DENND2B: variants seen among roughly 807,000 people sequenced by gnomAD.
The protein encoded by DENND2B is DENN domain containing 2B, also known as DENN domain-containing protein 2B.
In DENND2B, 32 loss-of-function variants were observed where a neutral mutation model predicts 116.0. The ratio of observed to expected loss-of-function variants is 0.28; its 90% CI spans 0.21 to 0.37. DENND2B has a LOEUF of 0.37. Among genes scored for constraint, DENND2B ranks in the 10% least tolerant of loss-of-function variants. The probability of loss-of-function intolerance (pLI) is 1.00; values close to 1 mark genes in which losing one functional copy is unlikely to be tolerated. For synonymous variants in DENND2B, 588 were observed against 583.9 expected, an observed-to-expected ratio of 1.01 and a Z score of -0.10; for missense variants, 1,276 against 1,477.7, an observed-to-expected ratio of 0.86 and a Z score of 2.24.
intron 1 of DENND2B, among the ~76,000 whole-genome samples, chr11:8,883,669 T>C (rs2063927160): frequency 6.6e-6 from 1 of 152,198 alleles, no homozygotes; most frequent in Admixed American, 6.5e-5. Context: ...AATAATTGCT[T>C]ACAGACCAGC....
chr11:8,811,574 T>C (rs946417149), upstream of DENND2B: 1 of 369,474 alleles, frequency 2.7e-6, no homozygotes, highest in Non-Finnish European at 4.8e-6. Flanking sequence ...TTTAGTCCCA[T>C]CCCCATCCCC....
intron 1 of DENND2B, chr11:8,774,372 T>C (rs779185559): frequency 1.0e-6 from 1 of 964,786 alleles, no homozygotes; most frequent in South Asian, 4.8e-5. Flanking sequence ...GACAGAAACA[T>C]GTTCTCCTTC....
At chr11:8,867,285 G>A (rs1219710609) in intron 2 of DENND2B, among the ~76,000 whole-genome samples, 1 of 152,158 alleles carries the variant, frequency 6.6e-6, no homozygotes, top group Non-Finnish European at 1.5e-5. Flanking sequence ...AAAGGGCCTG[G>A]CTATAAATGT....
At chr11:8,823,106 T>TA (rs35762459) in intron 4 of DENND2B, among the ~76,000 whole-genome samples, 69,968 of 151,776 alleles carry the variant, frequency 0.46, 16,351 homozygotes, top group Middle Eastern at 0.62. Flanking sequence ...ATTGGGGACT[T>TA]AAAAAGTAAT....
At chr11:8,900,536 C>A (rs1232753929) in intron 1 of DENND2B, among the ~76,000 whole-genome samples, 12 of 149,794 alleles carry the variant, frequency 8.0e-5, no homozygotes, top group Middle Eastern at 3.4e-3. Context: ...GAGGTGGAGG[C>A]AACAGTGAGC....
At chr11:8,704,992 C>T (rs1592431831) in intron 13 of DENND2B, among the ~76,000 whole-genome samples, 1 of 152,244 alleles carries the variant, frequency 6.6e-6, no homozygotes, top group South Asian at 2.1e-4. Flanking sequence ...ACATGAGCCA[C>T]GGTGCCCGGT....
At chr11:8,897,746 T>C (rs76091314) in intron 1 of DENND2B, among the ~76,000 whole-genome samples, 2,508 of 152,254 alleles carry the variant, frequency 0.016, 31 homozygotes, top group Middle Eastern at 0.031. Context: ...CTTGCATACA[T>C]AGAAATAAAA....
chr11:8,791,871 T>C lies in DENND2B; in HGVS notation c.-26+18646A>G, dbSNP rs182038885. Among the ~76,000 whole-genome samples, 951 of 152,274 alleles carry C rather than the reference T, an allele frequency of 6.2e-3. 13 individuals are homozygous for C. Among genetic ancestry groups the C allele is most frequent in the Middle Eastern group, 0.037 (11 of 294 alleles). Reference sequence around the variant, plus strand: ...CACAAATTTTTAGTAAAGAAAAAATTTAATAGAAAAAAAGGTTATCTTAGG... The same window carrying C: ...CACAAATTTTTAGTAAAGAAAAAATCTAATAGAAAAAAAGGTTATCTTAGG... On this transcript the variant is annotated intron_variant, in intron 1 of 19. Coordinates refer to ENST00000313726, the MANE Select transcript of DENND2B (RefSeq NM_213618.2).
In DENND2B at chr11:8,694,006, A is replaced by G. The variant is rs2039863696; in HGVS notation, c.*90T>C. ...AGGATAGGATCTGTGGGGGCAGAGGAGCCACAGCAGCCCAGAGGGTCCCAG... is the reference window on the plus strand; with the variant it reads ...AGGATAGGATCTGTGGGGGCAGAGGGGCCACAGCAGCCCAGAGGGTCCCAG... On this transcript the variant is annotated 3_prime_UTR_variant, in exon 20 of 20. Coordinates refer to ENST00000313726, the MANE Select transcript of DENND2B (RefSeq NM_213618.2). 2 of 1,426,920 alleles carry G rather than the reference A, an allele frequency of 1.4e-6. No individual in the cohort carries two copies. The highest frequency in any genetic ancestry group is 1.8e-5 in the Admixed American group (1 of 55,364). 88.4% of individuals were successfully genotyped at this position (1,426,920 alleles called of 1,614,324 possible).
intron 1 of DENND2B, among the ~76,000 whole-genome samples, chr11:8,786,673 G>A (rs1209860401): frequency 6.6e-6 from 1 of 152,162 alleles, no homozygotes; most frequent in East Asian, 1.9e-4. Context: ...AGCTGGGCAT[G>A]GTGGTGCACC....
intron 10 of DENND2B, 49 bp from the exon 11 acceptor site, chr11:8,710,963 A>G: frequency 1.9e-6 from 3 of 1,606,710 alleles, no homozygotes; most frequent in Non-Finnish European, 2.6e-6. Flanking sequence ...AGGACCTAGG[A>G]AACAGCCCCC....
chr11:8,806,605 A>AACACACAC (rs71059180), intron 1 of DENND2B, among the ~76,000 whole-genome samples: 3,643 of 118,544 alleles, frequency 0.031, 155 homozygotes, highest in African/African-American at 0.094. Context: ...CTCCCTTCAA[A>AACACACAC]ACACACACAC....
chr11:8,775,936 G>C (rs1267138946), intron 1 of DENND2B, among the ~76,000 whole-genome samples: 1 of 152,014 alleles, frequency 6.6e-6, no homozygotes, highest in Non-Finnish European at 1.5e-5. Flanking sequence ...GACAGACTAA[G>C]CATCCTGGAA....
chr11:8,729,852 C>CT (rs1778502134), intron 3 of DENND2B, 98 bp downstream of exon 3: 1 of 1,487,356 alleles, frequency 6.7e-7, no homozygotes, highest in Admixed American at 2.0e-5. Context: ...TTACGAAGCA[C>CT]TAATGACTGC....
intron 1 of DENND2B, chr11:8,808,178 A>G (rs1013606928): frequency 2.6e-4 from 40 of 152,280 alleles, no homozygotes; most frequent in African/African-American, 8.7e-4. Context: ...TTTCGGAGCA[A>G]TAACACTTTC....
chr11:8,717,660 G>T, intron 5 of DENND2B, 81 bp downstream of exon 5: 66 of 1,458,542 alleles, frequency 4.5e-5, no homozygotes, highest in South Asian at 2.4e-4. Context: ...CTGAGTGGAA[G>T]CTGGGCCCAA....
At chr11:8,718,273 G>A in intron 4 of DENND2B, 2 of 1,228,044 alleles carry the variant, frequency 1.6e-6, no homozygotes, top group East Asian at 5.1e-5. Flanking sequence ...ACACCCCAGA[G>A]ATAACACAGT....
intron 1 of DENND2B, among the ~76,000 whole-genome samples, chr11:8,786,282 T>C (rs545248265): frequency 8.2e-4 from 124 of 152,020 alleles, no homozygotes; most frequent in Non-Finnish European, 1.3e-3. Flanking sequence ...GCACTGGTTA[T>C]AAAAATAGCA....
intron 4 of DENND2B, among the ~76,000 whole-genome samples, chr11:8,821,965 T>A (rs1202066816): frequency 6.6e-6 from 1 of 152,162 alleles, no homozygotes; most frequent in Non-Finnish European, 1.5e-5. Context: ...CTAATTTTTT[T>A]ATTTTTTGTA....
Sources: allele counts gnomAD v4.1 joint callset (sites outside exome capture counted in the v4.1 genomes callset), GRCh38; gene constraint gnomAD v4.1.1; transcripts MANE v1.5; gene names NCBI Gene and HGNC (gene_info 2026-07-23, HGNC 2026-07-21).